ASTN1: variants seen among roughly 807,000 people sequenced by gnomAD.
ASTN1 encodes the protein astrotactin-1.
Under a neutral mutation model 140.7 loss-of-function variants are expected in ASTN1, and 41 were observed. The ratio of observed to expected loss-of-function variants is 0.29; its 90% CI spans 0.23 to 0.38. ASTN1 has a LOEUF of 0.38. Among genes scored for constraint, ASTN1 ranks in the 10% least tolerant of loss-of-function variants. The pLI, the probability that ASTN1 is intolerant of heterozygous loss-of-function variation, is 1.00. For missense variants in ASTN1, 1,479 were observed against 1,678.8 expected (o/e 0.88, Z 2.08); for synonymous variants, 640 against 652.2 (o/e 0.98, Z 0.29).
chr1:177,077,133 C>T (rs1011048451), intron 1 of ASTN1, among the ~76,000 whole-genome samples: 5 of 152,080 alleles, frequency 3.3e-5, no homozygotes, highest in Non-Finnish European at 4.4e-5. Context: ...CAGAAGCCTT[C>T]TGCATGCCGC....
At chr1:177,057,216 C>T (rs1677848651) in intron 2 of ASTN1, among the ~76,000 whole-genome samples, 1 of 146,942 alleles carries the variant, frequency 6.8e-6, no homozygotes, top group African/African-American at 2.6e-5. Context: ...ATAAGAAAAG[C>T]AAAAGGTTTT....
At chr1:177,162,976 T>G (rs922269351) in intron 1 of ASTN1, among the ~76,000 whole-genome samples, 2 of 152,242 alleles carry the variant, frequency 1.3e-5, no homozygotes, top group Admixed American at 6.5e-5. Context: ...CTCCGGGAAC[T>G]ATAAAGCAAC....
intron 1 of ASTN1, among the ~76,000 whole-genome samples, chr1:177,136,256 C>T (rs962572414): frequency 6.6e-6 from 1 of 152,172 alleles, no homozygotes; most frequent in Non-Finnish European, 1.5e-5. Context: ...TTCAGTCTTA[C>T]TGCATTTGAC....
intron 1 of ASTN1, among the ~76,000 whole-genome samples, chr1:177,146,370 GC>G (rs1682722606): frequency 6.6e-6 from 1 of 152,136 alleles, no homozygotes; most frequent in Admixed American, 6.5e-5. Context: ...CAAAACTCAA[GC>G]ATTAATTTCT....
intron 2 of ASTN1, among the ~76,000 whole-genome samples, chr1:177,040,278 T>C (rs1676911711): frequency 6.6e-6 from 1 of 152,240 alleles, no homozygotes; most frequent in Non-Finnish European, 1.5e-5. Flanking sequence ...GCTTTCCAGT[T>C]GCCACGGGCC....
chr1:177,098,397 T>C (rs1418692240), intron 1 of ASTN1, among the ~76,000 whole-genome samples: 2 of 152,202 alleles, frequency 1.3e-5, no homozygotes, highest in South Asian at 4.1e-4. Flanking sequence ...GTCATAAAGA[T>C]GAGATAAAAT....
At chr1:177,005,522 A>T (rs1674949802) in intron 8 of ASTN1, among the ~76,000 whole-genome samples, 1 of 152,224 alleles carries the variant, frequency 6.6e-6, no homozygotes, top group African/African-American at 2.4e-5. Flanking sequence ...AGACACCTGC[A>T]TGTATATGTT....
downstream of ASTN1, among the ~76,000 whole-genome samples, chr1:176,858,815 TG>T (rs1280409467): frequency 6.6e-6 from 1 of 152,168 alleles, no homozygotes; most frequent in Admixed American, 6.5e-5. Flanking sequence ...AAAATCTCAG[TG>T]GGACGAGTCT....
At chr1:176,942,651 C>A (rs558010400) in intron 14 of ASTN1, among the ~76,000 whole-genome samples, 1 of 151,204 alleles carries the variant, frequency 6.6e-6, no homozygotes, top group Non-Finnish European at 1.5e-5. Flanking sequence ...GAGATAATTG[C>A]ATATCTGATT....
intron 8 of ASTN1, chr1:176,976,907 T>C (rs554488233): frequency 6.6e-6 from 1 of 152,314 alleles, no homozygotes; most frequent in African/African-American, 2.4e-5. Flanking sequence ...TCCATCCCTG[T>C]ACAAGAAAAA....
At chr1:177,100,886 A>C (rs1680268340) in intron 1 of ASTN1, among the ~76,000 whole-genome samples, 1 of 152,176 alleles carries the variant, frequency 6.6e-6, no homozygotes, top group African/African-American at 2.4e-5. Flanking sequence ...TGAGGTCAGG[A>C]ATTGTAGACC....
At chr1:177,131,245 A>T (rs1681925077) in intron 1 of ASTN1, among the ~76,000 whole-genome samples, 1 of 152,216 alleles carries the variant, frequency 6.6e-6, no homozygotes, top group Non-Finnish European at 1.5e-5. Flanking sequence ...CTTTTGACAG[A>T]GTGTGTAATT....
intron 11 of ASTN1, among the ~76,000 whole-genome samples, chr1:176,951,287 C>T (rs183205081): frequency 2.6e-5 from 4 of 152,352 alleles, no homozygotes; most frequent in Non-Finnish European, 4.4e-5. Flanking sequence ...AATCATATTC[C>T]TTGGCCACCC....
chr1:176,918,208 G>C (rs977924665), intron 16 of ASTN1, among the ~76,000 whole-genome samples: 8 of 151,972 alleles, frequency 5.3e-5, no homozygotes. Flanking sequence ...CTTACAGTGG[G>C]AACAACTCAG....
intron 11 of ASTN1, among the ~76,000 whole-genome samples, chr1:176,955,239 C>T (rs1055313513): frequency 3.3e-5 from 5 of 152,150 alleles, no homozygotes; most frequent in African/African-American, 1.2e-4. Context: ...GCAGGTGGTT[C>T]AGCTGATACA....
chr1:177,058,735 G>T (rs1677930141), intron 2 of ASTN1, among the ~76,000 whole-genome samples: 1 of 151,950 alleles, frequency 6.6e-6, no homozygotes, highest in Non-Finnish European at 1.5e-5. Context: ...ATGGTGTTTG[G>T]TTACATGAGT....
chr1:177,094,185 G>A (rs1417617034), intron 1 of ASTN1, among the ~76,000 whole-genome samples: 2 of 152,126 alleles, frequency 1.3e-5, no homozygotes, highest in Middle Eastern at 3.2e-3. Flanking sequence ...ATCCTCCACT[G>A]TACAGATGAT....
chr1:177,131,592 C>G (rs907528801), intron 1 of ASTN1, among the ~76,000 whole-genome samples: 3 of 151,628 alleles, frequency 2.0e-5, no homozygotes, highest in Admixed American at 6.6e-5. Flanking sequence ...AATGAAAAAC[C>G]AAGATTTTTA....
chr1:177,074,826 A>C (rs967708867), intron 1 of ASTN1, among the ~76,000 whole-genome samples: 2 of 152,196 alleles, frequency 1.3e-5, no homozygotes, highest in Non-Finnish European at 2.9e-5. Flanking sequence ...CTTCAATTTC[A>C]AGAGGTAACA....
Sources: allele counts gnomAD v4.1 joint callset (sites outside exome capture counted in the v4.1 genomes callset), GRCh38; gene constraint gnomAD v4.1.1; transcripts MANE v1.5; gene names NCBI Gene and HGNC (gene_info 2026-07-23, HGNC 2026-07-21).